PEMT: variants seen among roughly 807,000 people sequenced by gnomAD.
PEMT encodes phosphatidylethanolamine N-methyltransferase, also known as phospholipid methyltransferase.
PEMT carries 23 observed loss-of-function variants against 27.4 expected under a neutral mutation model. The observed-to-expected ratio is 0.84, with a 90% CI of 0.60 to 1.19. The LOEUF (loss-of-function observed/expected upper bound fraction) is 1.19, where lower values mean the gene tolerates loss of function less well. Among genes scored for constraint, PEMT ranks in the 50% most tolerant of loss-of-function variants. The probability of loss-of-function intolerance (pLI) is 0.00; values close to 1 mark genes in which losing one functional copy is unlikely to be tolerated. For missense variants in PEMT, 307 were observed against 310.1 expected (o/e 0.99, Z 0.07); for synonymous variants, 137 against 139.1 (o/e 0.98, Z 0.11).
At chr17:17,537,642 CAGG>C (rs774513267) in intron 2 of PEMT, among the ~76,000 whole-genome samples, 6 of 152,200 alleles carry the variant, frequency 3.9e-5, no homozygotes, top group Non-Finnish European at 2.9e-5. Context: ...TGGGAGAAAG[CAGG>C]AGGAGAGATA....
At chr17:17,518,840 G>A (rs140130973) in intron 3 of PEMT, among the ~76,000 whole-genome samples, 1 of 152,186 alleles carries the variant, frequency 6.6e-6, no homozygotes, top group Admixed American at 6.5e-5. Flanking sequence ...GACGAGTGCT[G>A]CCAGGGACTG....
At chr17:17,508,796 G>A (rs1229757878) in intron 5 of PEMT, 1 of 465,816 alleles carries the variant, frequency 2.1e-6, no homozygotes, top group East Asian at 7.3e-5. Flanking sequence ...TTCCCTCATG[G>A]CACGGGGCCC....
chr17:17,507,290 G>T, intron 5 of PEMT: 1 of 1,066,386 alleles, frequency 9.4e-7, no homozygotes, highest in Non-Finnish European at 1.4e-6. Context: ...GCATGGGCAG[G>T]CCTGGGCCAG....
chr17:17,570,614 G>GA, intron 2 of PEMT: 1 of 985,424 alleles, frequency 1.0e-6, no homozygotes, highest in Non-Finnish European at 1.2e-6. Context: ...TTGCACAAGA[G>GA]AAGCCAGATC....
At chr17:17,581,318 T>C (rs1911963958) in intron 1 of PEMT, among the ~76,000 whole-genome samples, 1 of 152,142 alleles carries the variant, frequency 6.6e-6, no homozygotes, top group East Asian at 1.9e-4. Flanking sequence ...CGCAGACCTA[T>C]CTCTGGCCAT....
At chr17:17,565,734 C>A (rs1362969901) in intron 2 of PEMT, among the ~76,000 whole-genome samples, 6 of 152,268 alleles carry the variant, frequency 3.9e-5, no homozygotes, top group Non-Finnish European at 7.3e-5. Flanking sequence ...GCTGACTCCG[C>A]ACTTCTGGAG....
intron 1 of PEMT, among the ~76,000 whole-genome samples, chr17:17,590,134 G>C (rs745575557): frequency 1.5e-4 from 22 of 151,650 alleles, no homozygotes; most frequent in Non-Finnish European, 7.4e-5. Context: ...ATCTTGATCT[G>C]AGGATTAACA....
intron 2 of PEMT, among the ~76,000 whole-genome samples, chr17:17,575,450 T>A (rs1229971558): frequency 1.3e-5 from 2 of 152,152 alleles, no homozygotes; most frequent in African/African-American, 2.4e-5. Context: ...CCAAACACCC[T>A]CCTCACCCTT....
intron 2 of PEMT, among the ~76,000 whole-genome samples, chr17:17,527,817 A>G (rs144083940): frequency 0.01 from 1,556 of 152,344 alleles, 21 homozygotes; most frequent in African/African-American, 0.035. Flanking sequence ...CCTGTGCCAC[A>G]CTGGGCTCGC....
Position 17,512,746 on chromosome 17 carries a change from C to T in PEMT, c.321-92G>A. 1 of 1,284,596 alleles carries T rather than the reference C, an allele frequency of 7.8e-7. No individual in the cohort carries two copies. Among genetic ancestry groups the T allele is most frequent in the Non-Finnish European group, 1.0e-6 (1 of 979,452 alleles). 79.6% of individuals were successfully genotyped at this position (1,284,596 alleles called of 1,614,324 possible). A position where few individuals can be genotyped will look rare whatever the true frequency, so the allele number is the denominator to read the frequency against. On this transcript the variant is annotated intron_variant, in intron 3 of 6. Coordinates refer to ENST00000255389, the MANE Select transcript of PEMT (RefSeq NM_148172.3). The surrounding 1 kb of genome is among the most constrained non-coding windows in gnomAD (Gnocchi z 6.3). ...CGACCTCATCTTCTCGCCCTCTCCC[C>T]AGGGACCCTTAGAGAGTAGCCAGCC...
chr17:17,563,208 G>T (rs933905970), intron 2 of PEMT, among the ~76,000 whole-genome samples: 1 of 152,144 alleles, frequency 6.6e-6, no homozygotes, highest in African/African-American at 2.4e-5. Context: ...GAAGCACGTT[G>T]GGGGTTCCCA....
At chr17:17,532,195 C>T (rs1169150744) in intron 2 of PEMT, among the ~76,000 whole-genome samples, 1 of 152,076 alleles carries the variant, frequency 6.6e-6, no homozygotes, top group Non-Finnish European at 1.5e-5. Flanking sequence ...AGGTTTTAGC[C>T]AGGGCAATTG....
intron 2 of PEMT, among the ~76,000 whole-genome samples, chr17:17,550,707 A>C (rs1237877386): frequency 1.3e-5 from 2 of 152,216 alleles, no homozygotes; most frequent in African/African-American, 4.8e-5. Flanking sequence ...AGGTGGCTAG[A>C]GCCTCTCCCA....
Position 17,509,548 on chromosome 17 carries a change from G to C in PEMT, c.467-3C>G, listed in dbSNP as rs1906186877. 1.3e-6 allele frequency: 2 copies of C among 1,599,146 alleles called. No homozygotes were observed. Among genetic ancestry groups the C allele is most frequent in the Non-Finnish European group, 1.7e-6 (2 of 1,166,490 alleles). ...CTTGAGGATCCCGAAGTAATCACCTGTGGATGAGGCAAGGCAGGGTCCCTC... is the reference window on the plus strand; with the variant it reads ...CTTGAGGATCCCGAAGTAATCACCTCTGGATGAGGCAAGGCAGGGTCCCTC... On this transcript the variant is annotated splice_polypyrimidine_tract_variant and splice_region_variant and intron_variant, in intron 4 of 6. Transcript: ENST00000255389.
rs1454624834 is a variant in PEMT at position 17,591,535 on chromosome 17, C to T, written c.92G>A (p.Arg31Lys). Reference protein sequence around the residue: ...CCGGLGNIDFRQADFCVMTRL... With the variant: ...CCGGLGNIDFKQADFCVMTRL... ...GCGGTCCGGTGCGGTCAGTACCTGT[C>T]TAAAATCAATATTGCCGAGGCCTCC... The change falls in exon 1 of 7, where the codon AGA (arginine) becomes AAA (lysine). Residue 31 changes from arginine to lysine, a missense_variant. By Grantham distance (26) the Arg-to-Lys change is conservative. Transcript: ENST00000255389. 6.2e-7 allele frequency: 1 copy of T among 1,612,782 alleles called. No homozygotes were observed. The highest frequency in any genetic ancestry group is 2.2e-5 in the East Asian group (1 of 44,844).
chr17:17,564,526 G>A (rs1362910375), intron 2 of PEMT, among the ~76,000 whole-genome samples: 1 of 152,150 alleles, frequency 6.6e-6, no homozygotes, highest in African/African-American at 2.4e-5. Context: ...GTGCAGAACA[G>A]AATTACACAT....
At chr17:17,560,235 G>A (rs1468872973) in intron 2 of PEMT, among the ~76,000 whole-genome samples, 1 of 152,194 alleles carries the variant, frequency 6.6e-6, no homozygotes, top group East Asian at 1.9e-4. Context: ...CCAGCCTCGG[G>A]GACACCAGAG....
intron 1 of PEMT, among the ~76,000 whole-genome samples, chr17:17,588,486 A>C (rs1323360153): frequency 1.3e-5 from 2 of 152,104 alleles, no homozygotes; most frequent in Admixed American, 6.5e-5. Flanking sequence ...GACCACCCTT[A>C]GGTGGGCTGC....
intron 2 of PEMT, among the ~76,000 whole-genome samples, chr17:17,573,273 T>C (rs1374330336): frequency 6.6e-6 from 1 of 151,940 alleles, no homozygotes; most frequent in Admixed American, 6.5e-5. Flanking sequence ...TCACAAGGCC[T>C]GGCCAAGATG....
Sources: gnomAD v4.1 joint callset for allele counts (sites outside exome capture counted in the v4.1 genomes callset) on GRCh38, gnomAD v4.1.1 for gene constraint, Gnocchi (gnomAD v3.1) non-coding constraint, MANE v1.5 for transcripts, NCBI Gene and HGNC (gene_info 2026-07-23, HGNC 2026-07-21) for gene names.